Variants in ZFYVE26 observed in about 807,000 individuals in gnomAD.
The protein encoded by ZFYVE26 is zinc finger FYVE domain-containing protein 26.
Under a neutral mutation model 276.5 loss-of-function variants are expected in ZFYVE26, and 181 were observed. The observed-to-expected ratio is 0.65, with a 90% CI of 0.58 to 0.74. The LOEUF is 0.74. Ranked by LOEUF, ZFYVE26 falls within the 30% of genes least tolerant of loss-of-function variation. The probability of loss-of-function intolerance (pLI) is 0.00; values close to 1 mark genes in which losing one functional copy is unlikely to be tolerated. For missense variants in ZFYVE26, 2,821 were observed against 3,097.9 expected (o/e 0.91, Z 2.12); for synonymous variants, 1,129 against 1,203.1 (o/e 0.94, Z 1.27).
At chr14:67,807,229 G>A (rs1268042622) in intron 5 of ZFYVE26, among the ~76,000 whole-genome samples, 169 bp downstream of exon 5, 1 of 152,160 alleles carries the variant, frequency 6.6e-6, no homozygotes, top group Non-Finnish European at 1.5e-5. Flanking sequence ...ACAGGCCTGA[G>A]CCACCATGCC....
At chr14:67,745,571 C>G (rs563029363), downstream of ZFYVE26, among the ~76,000 whole-genome samples, 50 of 151,930 alleles carry the variant, frequency 3.3e-4, no homozygotes, top group African/African-American at 1.2e-3. Flanking sequence ...AAGTATCATA[C>G]TGCAAACATA....
chr14:67,748,780 A>T (rs2038556999), intron 41 of ZFYVE26, 141 bp from the exon 42 acceptor site: 1 of 850,044 alleles, frequency 1.2e-6, no homozygotes, highest in Non-Finnish European at 1.9e-6. Context: ...ATTTTATGGT[A>T]TTATAACAAC....
At position 67,755,938 on chromosome 14, in the gene ZFYVE26, C is replaced by T. The variant is rs913112354; in HGVS notation, c.6786+10G>A. ...AACAGAGGTAGAAGGCAGGAAGGGG[C>T]TGCCATTACCTTCATAAACTGCTGC... On this transcript the variant is annotated intron_variant, in intron 36 of 41. Transcript: ENST00000347230. 1 of 1,614,228 alleles carries T rather than the reference C, an allele frequency of 6.2e-7. No individual in the cohort carries two copies. Among genetic ancestry groups the T allele is most frequent in the African/African-American group, 1.3e-5 (1 of 75,054 alleles).
chr14:67,799,502 G>A, intron 10 of ZFYVE26: 5 of 1,604,060 alleles, frequency 3.1e-6, no homozygotes, highest in Non-Finnish European at 4.3e-6. Flanking sequence ...CAGACAAAAG[G>A]ATCGGCAAAA....
At chr14:67,770,456 T>A in intron 28 of ZFYVE26, 1 of 103,262 alleles carries the variant, frequency 9.7e-6, no homozygotes. Flanking sequence ...AGAGCTAGAC[T>A]CTGTCTCAAA....
rs1320713361 is a variant in ZFYVE26, at chr14:67,753,742, C to T, written c.7153G>A (p.Glu2385Lys). 1 of 1,613,714 alleles carries T rather than the reference C, an allele frequency of 6.2e-7. No individual in the cohort carries two copies. Among genetic ancestry groups the T allele is most frequent in the African/African-American group, 1.3e-5 (1 of 75,010 alleles). ...CGGAAAGCAATTCCAAAACCATCTT[C>T]TACATTTTTCCCTCCCAGCATGACC... Reference protein sequence around the residue: ...CKVMLGGKNVEDGFGIAFRVL... With the variant: ...CKVMLGGKNVKDGFGIAFRVL... Residue 2385 changes from glutamate to lysine, a missense_variant, in exon 39 of 42, where the codon GAA (glutamate) becomes AAA (lysine). Glu to Lys is a moderately conservative substitution (Grantham distance 56). Transcript: ENST00000347230.
chr14:67,751,156 G>A, intron 40 of ZFYVE26, 60 bp from the exon 41 acceptor site: 1 of 1,596,932 alleles, frequency 6.3e-7, no homozygotes, highest in Non-Finnish European at 8.6e-7. Flanking sequence ...TGGGAGCCAG[G>A]GCCCAACCCA....
chr14:67,790,713 G>A lies in ZFYVE26; in HGVS notation c.2614C>T (p.Arg872Cys), dbSNP rs763815387. Residue 872 changes from arginine to cysteine, a missense_variant, in exon 15 of 42, where the codon CGC (arginine) becomes TGC (cysteine). By Grantham distance (180) the Arg-to-Cys change is radical (BLOSUM62 -3). Coordinates refer to ENST00000347230, the MANE Select transcript of ZFYVE26 (RefSeq NM_015346.4). The stretch of plus-strand genomic sequence containing the variant: ...AGTTCTTGGATCACTTCCTGGTAGC[G>A]CTCCATGAACATCAGTTCCCCTGAA... ...PSSGELMFME[R>C]YQEVIQELAQ... The A allele has an allele frequency of 1.5e-5, 24 of 1,614,196 alleles. No homozygotes were observed. The highest frequency in any genetic ancestry group is 2.2e-5 in the East Asian group (1 of 44,886).
In ZFYVE26 at chr14:67,798,159, G is replaced by C. The variant is rs928673412; in HGVS notation, c.2103C>G (p.Ser701Arg). ...LLQEQLDEISSRSPPEKPKQE... is the reference protein window; with the variant it reads ...LLQEQLDEISRRSPPEKPKQE... The stretch of plus-strand genomic sequence containing the variant: ...GCTTTGGCTTCTCAGGAGGGCTGCG[G>C]CTACTGATCTCATCCAGTTGCTCTT... Residue 701 changes from serine (S) to arginine (R), a missense_variant, in exon 11 of 42, where the codon AGC (serine) becomes AGG (arginine). Transcript: ENST00000347230. The C allele has an allele frequency of 6.2e-7, 1 of 1,614,130 alleles. No homozygotes were observed. Among genetic ancestry groups the C allele is most frequent in the African/African-American group, 1.3e-5 (1 of 75,048 alleles).
chr14:67,732,000 G>T (rs1415545126), intron 13 of ZFYVE26, among the ~76,000 whole-genome samples: 1 of 151,662 alleles, frequency 6.6e-6, no homozygotes, highest in African/African-American at 2.4e-5. Flanking sequence ...GTTGGTGGGT[G>T]CCTGTAATCC....
At position 67,729,216 on chromosome 14, in the gene ZFYVE26, G is replaced by T. The variant is rs1187659538; in HGVS notation, n.3283C>A. On this transcript the variant is annotated non_coding_transcript_exon_variant, in exon 14 of 15. Transcript: ENST00000394455. ...GCACCGGGGTCACCACCTACGCAGT[G>T]CACCCAGGCGTCGTCCGCTCTGAGC... is the stretch of plus-strand genomic sequence containing the variant. The T allele has an allele frequency of 7.4e-6, 12 of 1,612,224 alleles. No individual in the cohort carries two copies. The highest frequency in any genetic ancestry group is 8.5e-6 in the Non-Finnish European group (10 of 1,180,000).
chr14:67,794,333 T>C, intron 12 of ZFYVE26, 94 bp from the exon 13 acceptor site: 1 of 1,186,866 alleles, frequency 8.4e-7, no homozygotes, highest in Non-Finnish European at 1.3e-6. Flanking sequence ...TCTGTGTAGT[T>C]AGAGACAGAG....
At chr14:67,784,917 G>A (rs1012589105) in intron 19 of ZFYVE26, 142 bp downstream of exon 19, 7 of 876,090 alleles carry the variant, frequency 8.0e-6, no homozygotes, top group Non-Finnish European at 1.3e-5. Flanking sequence ...AGCCAGAGAT[G>A]AATAAGAGAG....
intron 32 of ZFYVE26, among the ~76,000 whole-genome samples, chr14:67,764,273 G>C (rs2039002726): frequency 6.6e-6 from 1 of 152,234 alleles, no homozygotes; most frequent in Admixed American, 6.5e-5. Context: ...CTGTACATCA[G>C]TGATTCTTAA....
At chr14:67,815,078 A>G (rs2040375034) in intron 2 of ZFYVE26, among the ~76,000 whole-genome samples, 1 of 152,228 alleles carries the variant, frequency 6.6e-6, no homozygotes, top group Non-Finnish European at 1.5e-5. Flanking sequence ...ACAAAGAGGT[A>G]GCACCAAGGA....
chr14:67,799,625 C>G, intron 10 of ZFYVE26: 13 of 1,440,480 alleles, frequency 9.0e-6, no homozygotes, highest in Non-Finnish European at 1.3e-5. Flanking sequence ...TTTTTCTCTT[C>G]AAAGGTCCTT....
intron 31 of ZFYVE26, among the ~76,000 whole-genome samples, 185 bp from the exon 32 acceptor site, chr14:67,766,632 C>T (rs1434676915): frequency 6.6e-6 from 1 of 152,212 alleles, no homozygotes; most frequent in African/African-American, 2.4e-5. Context: ...CTAAGTAGCA[C>T]TGCCAAAACT....
intron 40 of ZFYVE26, chr14:67,751,443 T>A: frequency 2.5e-6 from 1 of 403,138 alleles, no homozygotes; most frequent in Admixed American, 3.6e-5. Flanking sequence ...TAAGTATGTA[T>A]CAGCGTAATA....
rs1566890598 is a variant in ZFYVE26, at chr14:67,794,219, T to C, written c.2353A>G (p.Asn785Asp). The change falls in exon 13 of 42, where the codon AAC (asparagine) becomes GAC (aspartate). Residue 785 changes from asparagine to aspartate, a missense_variant. By Grantham distance (23) the Asn-to-Asp change is conservative. Coordinates refer to ENST00000347230, the MANE Select transcript of ZFYVE26 (RefSeq NM_015346.4). ...CTACTTGTACTTTCCAGGGATGGGT[T>C]TGAACCTCTGTCTCGGCCATCTACA... ...SQADGRDRGS[N>D]PSLESTSSEL... 1.1e-5 allele frequency: 17 copies of C among 1,614,084 alleles called. No individual in the cohort carries two copies. In the East Asian group the frequency reaches 1.3e-4, roughly 13 times the overall value.
Sources: allele counts gnomAD v4.1 joint callset (sites outside exome capture counted in the v4.1 genomes callset), GRCh38; gene constraint gnomAD v4.1.1; transcripts MANE v1.5; gene names NCBI Gene and HGNC (gene_info 2026-07-23, HGNC 2026-07-21).